Variants in FRYL observed in about 807,000 individuals in gnomAD.
FRYL encodes protein furry homolog-like.
A neutral mutation model predicts 351.2 loss-of-function variants in FRYL; 150 were observed. The ratio of observed to expected loss-of-function variants is 0.43; its 90% confidence interval spans 0.37 to 0.49. The LOEUF (loss-of-function observed/expected upper bound fraction) is 0.49. FRYL is among the 20% of genes least tolerant of loss of function. The pLI, the probability that FRYL is intolerant of heterozygous loss-of-function variation, is 0.00. For synonymous variants in FRYL, 1,153 were observed against 1,257.1 expected (o/e 0.92, Z 1.75); for missense variants, 3,036 against 3,619.3 (o/e 0.84, Z 4.13).
At chr4:48,676,310 T>G (rs1417756280) in intron 3 of FRYL, among the ~76,000 whole-genome samples, 1 of 152,168 alleles carries the variant, frequency 6.6e-6, no homozygotes, top group Non-Finnish European at 1.5e-5. Context: ...GGTCTGCAGC[T>G]TCACTCCTGA....
chr4:48,747,826 T>C, intron 1 of FRYL, among the ~76,000 whole-genome samples: 1 of 152,226 alleles, frequency 6.6e-6, no homozygotes, highest in East Asian at 1.9e-4. Context: ...AAACCAGTCT[T>C]CCCATGAAAA....
intron 18 of FRYL, 45 bp downstream of exon 18, chr4:48,589,698 CTT>C (rs1166228615): frequency 1.3e-6 from 2 of 1,593,828 alleles, no homozygotes; most frequent in South Asian, 2.3e-5. Flanking sequence ...TCCACACTGT[CTT>C]AGGAAAACTG....
In FRYL at chr4:48,579,203, T is replaced by C. The variant is rs375600105; in HGVS notation, c.2298A>G (p.Gln766=). 6 of 1,613,550 alleles carry C rather than the reference T, an allele frequency of 3.7e-6. No homozygotes were observed. Among genetic ancestry groups the C allele is most frequent in the South Asian group, 1.1e-5 (1 of 91,032 alleles). ...LLYCPSSIDL[Q]TLAEWNSSPI... ...GAGAAGAGTTCCATTCTGCTAAAGT[T>C]TGTAAATCTATCGAGCTAGGGCAAT... The change falls in exon 23 of 64, where the codon CAA becomes CAG. Residue 766 remains glutamine (Q), a synonymous_variant. Transcript: ENST00000358350.
At chr4:48,546,429 A>T (rs1162854600) in intron 41 of FRYL, 158 bp from the exon 42 acceptor site, 2 of 617,640 alleles carry the variant, frequency 3.2e-6, no homozygotes, top group Non-Finnish European at 5.8e-6. Context: ...CCTCATGAAC[A>T]CCAAATTACA....
chr4:48,687,399 A>T (rs1405893132), intron 2 of FRYL, among the ~76,000 whole-genome samples: 1 of 151,020 alleles, frequency 6.6e-6, no homozygotes, highest in Non-Finnish European at 1.5e-5. Flanking sequence ...TTTCACCTAC[A>T]GCCAGAGTAA....
At chr4:48,720,515 A>C (rs1769351705) in intron 1 of FRYL, among the ~76,000 whole-genome samples, 2 of 152,060 alleles carry the variant, frequency 1.3e-5, no homozygotes, top group African/African-American at 4.8e-5. Context: ...AAAATAAATA[A>C]ATAAATAAAA....
intron 3 of FRYL, among the ~76,000 whole-genome samples, chr4:48,669,925 T>G (rs557890137): frequency 1.3e-5 from 2 of 152,172 alleles, no homozygotes; most frequent in Non-Finnish European, 2.9e-5. Context: ...CTGTCAATTT[T>G]TTTTTTACAT....
intron 2 of FRYL, among the ~76,000 whole-genome samples, chr4:48,691,330 A>C (rs1765656823): frequency 6.6e-6 from 1 of 152,232 alleles, no homozygotes; most frequent in African/African-American, 2.4e-5. Context: ...GAGGCAAAGA[A>C]CAAAAAGGAC....
At position 48,540,947 on chromosome 4, in the gene FRYL, C is replaced by T. The variant is rs748528286; in HGVS notation, c.5701G>A (p.Asp1901Asn). 1.3e-6 allele frequency: 2 copies of T among 1,590,130 alleles called. No individual in the cohort carries two copies. The highest frequency in any genetic ancestry group is 1.1e-5 in the South Asian group (1 of 88,490). ...GCATACTTGTTTCCCATTATAGGATCATGATATGAGGTTCTTAAAAAAAAG... is the reference window on the plus strand; with the variant it reads ...GCATACTTGTTTCCCATTATAGGATTATGATATGAGGTTCTTAAAAAAAAG... ...LSALSQTSYH[D>N]PIMGNKYAAN... The change falls in exon 46 of 64, where the codon GAT becomes AAT. Residue 1901 changes from aspartate (D) to asparagine (N), a missense_variant. This residue lies in a region of FRYL where 1,987 missense variants were observed against 2,311.7 expected (regional missense o/e 0.86). Coordinates refer to ENST00000358350, the MANE Select transcript of FRYL (RefSeq NM_015030.2).
At chr4:48,683,609 A>C (rs1327254363) in intron 3 of FRYL, among the ~76,000 whole-genome samples, 1 of 152,156 alleles carries the variant, frequency 6.6e-6, no homozygotes, top group African/African-American at 2.4e-5. Flanking sequence ...TTATTAATAC[A>C]AATCCTGTCT....
chr4:48,572,020 A>G, intron 26 of FRYL: 2 of 982,890 alleles, frequency 2.0e-6, no homozygotes, highest in Non-Finnish European at 2.4e-6. Context: ...ATGACAAAAT[A>G]GGAATACTAT....
intron 15 of FRYL, among the ~76,000 whole-genome samples, chr4:48,594,451 T>C (rs2149222306): frequency 6.6e-6 from 1 of 152,180 alleles, no homozygotes; most frequent in Non-Finnish European, 1.5e-5. Flanking sequence ...TGAAAGGAGT[T>C]TTATAATTCT....
At chr4:48,691,460 T>A (rs1765671110) in intron 2 of FRYL, among the ~76,000 whole-genome samples, 1 of 151,942 alleles carries the variant, frequency 6.6e-6, no homozygotes, top group Non-Finnish European at 1.5e-5. Context: ...TGAAAAAAAA[T>A]ACATTTGGAA....
chr4:48,529,194 T>C (rs1726967089), intron 50 of FRYL, among the ~76,000 whole-genome samples: 1 of 152,204 alleles, frequency 6.6e-6, no homozygotes. Context: ...CTCCAGACTT[T>C]TAAGGAGGCC....
chr4:48,506,381 T>G (rs1490781418), intron 59 of FRYL: 1 of 146,634 alleles, frequency 6.8e-6, no homozygotes, highest in African/African-American at 2.5e-5. Flanking sequence ...AAACATAAAA[T>G]AAAAAAAAAG....
At position 48,553,229 on chromosome 4, in the gene FRYL, G is replaced by A; in HGVS notation, c.4421C>T (p.Pro1474Leu). The A allele has an allele frequency of 6.2e-7, 1 of 1,610,922 alleles. No homozygotes were observed. Among genetic ancestry groups the A allele is most frequent in the South Asian group, 1.1e-5 (1 of 90,164 alleles). ...AAATTTCTCACCTGAGGTGACAGAA[G>A]GGATTTTATAGCTGGAAGTGATGCG... ...YYRITSSYKIPSVTSGTTSSS... is the reference protein window; with the variant it reads ...YYRITSSYKILSVTSGTTSSS... Residue 1474 changes from proline to leucine, a missense_variant, in exon 36 of 64, where the codon CCT becomes CTT. Coordinates refer to ENST00000358350, the MANE Select transcript of FRYL (RefSeq NM_015030.2).
chr4:48,637,042 A>C (rs1333957155), intron 3 of FRYL: 1 of 152,112 alleles, frequency 6.6e-6, no homozygotes, highest in African/African-American at 2.4e-5. Flanking sequence ...AAAATTAGAC[A>C]GCAGGAAAAA....
rs893147759 is a variant in FRYL, at chr4:48,718,223, T to C, written c.-383-7525A>G. Among the ~76,000 whole-genome samples the C allele has an allele frequency of 9.9e-5, 15 of 151,650 alleles. 1 individual carries two copies. Among genetic ancestry groups the C allele is most frequent in the Admixed American group, 6.0e-4 (9 of 15,092 alleles). On this transcript the variant is annotated intron_variant, in intron 1 of 63. Transcript: ENST00000358350. ...ATAATTACATAGTTTAGTTGCATAT[T>C]ACATCAAAAATGAGTGCAAAAACAA...
chr4:48,674,011 A>G (rs1449503814), intron 3 of FRYL, among the ~76,000 whole-genome samples: 1 of 152,224 alleles, frequency 6.6e-6, no homozygotes, highest in Non-Finnish European at 1.5e-5. Context: ...ATGGTGGTAT[A>G]TATCTTCTTC....
Sources: allele counts gnomAD v4.1 joint callset (sites outside exome capture counted in the v4.1 genomes callset), GRCh38; gene constraint gnomAD v4.1.1; regional missense constraint gnomAD v4.1.1; transcripts MANE v1.5; gene names NCBI Gene and HGNC (gene_info 2026-07-23, HGNC 2026-07-21).